ABHD2: variants seen among roughly 807,000 people sequenced by gnomAD.
ABHD2 encodes monoacylglycerol lipase ABHD2.
A neutral mutation model predicts 48.1 loss-of-function variants in ABHD2; 20 were observed. The observed-to-expected ratio is 0.42, with a 90% CI of 0.29 to 0.60. The LOEUF (loss-of-function observed/expected upper bound fraction) is 0.60, where lower values mean the gene tolerates loss of function less well. Ranked by LOEUF, ABHD2 falls within the 20% of genes least tolerant of loss-of-function variation. The pLI is 0.24. For missense variants in ABHD2, 405 were observed against 550.9 expected (o/e 0.74, Z 2.65); for synonymous variants, 209 against 214.2 (o/e 0.98, Z 0.21).
intron 3 of ABHD2, among the ~76,000 whole-genome samples, chr15:89,143,188 A>G (rs184013770): frequency 4.6e-4 from 70 of 152,224 alleles, no homozygotes; most frequent in African/African-American, 1.3e-3. Context: ...TCTAAGTTCA[A>G]TTTTACAGGT....
rs552132692 is a variant in ABHD2 at position 89,201,813 on chromosome 15, G to C, written c.*6390G>C. ...GGAGGCAGACGCCATTGGAGAGACA[G>C]CGCAGAGCAGGGGGCGGCTTGCTCG... On this transcript the variant is annotated 3_prime_UTR_variant, in exon 11 of 11. Coordinates refer to ENST00000352732, the MANE Select transcript of ABHD2 (RefSeq NM_152924.5). The C allele has an allele frequency of 7.3e-5, 97 of 1,326,384 alleles. No homozygotes were observed. In the Middle Eastern group the frequency reaches 1.0e-3, roughly 14 times the overall value. 82.2% of individuals were successfully genotyped at this position (1,326,384 alleles called of 1,614,324 possible). A position where few individuals can be genotyped will look rare whatever the true frequency, so the allele number is the denominator to read the frequency against.
At chr15:89,064,787 G>A in the ABHD2 span, among the ~76,000 whole-genome samples, 1 of 151,924 alleles carries the variant, frequency 6.6e-6, no homozygotes, top group Non-Finnish European at 1.5e-5. Context: ...TTTCCAATTT[G>A]TATTGAGAAA....
chr15:89,154,318 A>C (rs1567094198), intron 4 of ABHD2, among the ~76,000 whole-genome samples: 1 of 152,258 alleles, frequency 6.6e-6, no homozygotes, highest in Admixed American at 6.5e-5. Flanking sequence ...TTTCCCTACC[A>C]GCATTAAGAA....
chr15:89,121,319 A>T (rs1222261810), intron 3 of ABHD2, among the ~76,000 whole-genome samples: 1 of 152,106 alleles, frequency 6.6e-6, no homozygotes, highest in Non-Finnish European at 1.5e-5. Context: ...CAAACATCAG[A>T]GTGGTCTTTT....
At chr15:89,170,536 A>C (rs576266013) in intron 5 of ABHD2, among the ~76,000 whole-genome samples, 1 of 152,186 alleles carries the variant, frequency 6.6e-6, no homozygotes, top group African/African-American at 2.4e-5. Flanking sequence ...ATGTTTACAT[A>C]CATATGCAGT....
the ABHD2 span, among the ~76,000 whole-genome samples, chr15:89,059,070 G>T: frequency 1.3e-5 from 2 of 152,186 alleles, no homozygotes; most frequent in South Asian, 4.1e-4. Flanking sequence ...CTGCCAAGTT[G>T]CTGTGCTCTG....
At chr15:89,169,362 C>G (rs2050884398) in intron 5 of ABHD2, among the ~76,000 whole-genome samples, 3 of 152,078 alleles carry the variant, frequency 2.0e-5, no homozygotes, top group Admixed American at 2.0e-4. Context: ...TGTTTAAGTT[C>G]CTAGAAGAGA....
the ABHD2 span, among the ~76,000 whole-genome samples, chr15:89,077,759 C>T: frequency 3.9e-5 from 6 of 152,338 alleles, no homozygotes; most frequent in East Asian, 9.6e-4. Flanking sequence ...CAAGCTCCTT[C>T]ACTGTTTTTC....
Position 89,200,058 on chromosome 15 carries a change from A to G in ABHD2, c.*4635A>G, listed in dbSNP as rs1338427784. Reference sequence around the variant, plus strand: ...AGTAGACAGCTGCTCCTTTTGGAAGAGTCAGTCCCCTGTGTTTTCTGAACT... The same window carrying G: ...AGTAGACAGCTGCTCCTTTTGGAAGGGTCAGTCCCCTGTGTTTTCTGAACT... On this transcript the variant is annotated 3_prime_UTR_variant, in exon 11 of 11. Coordinates refer to ENST00000352732, the MANE Select transcript of ABHD2 (RefSeq NM_152924.5). 4 of 152,362 alleles carry G rather than the reference A, an allele frequency of 2.6e-5. No individual in the cohort carries two copies. The highest frequency in any genetic ancestry group is 2.6e-4 in the Admixed American group (4 of 15,286). The allele number at this position is 152,362 out of a possible 1,614,324, so 9.4% of individuals were successfully genotyped here. A position where few individuals can be genotyped will look rare whatever the true frequency, so the allele number is the denominator to read the frequency against.
chr15:89,170,265 T>C (rs984260408), intron 5 of ABHD2, among the ~76,000 whole-genome samples: 1 of 151,434 alleles, frequency 6.6e-6, no homozygotes, highest in Admixed American at 6.6e-5. Context: ...CCTGGATAAT[T>C]TTTGTATTTT....
the ABHD2 span, among the ~76,000 whole-genome samples, chr15:89,063,537 C>G: frequency 1.3e-5 from 2 of 151,958 alleles, no homozygotes; most frequent in African/African-American, 4.8e-5. Flanking sequence ...CACACATGCA[C>G]ACACACACAG....
At chr15:89,127,706 CATATATATATATACACATATATAT>C (rs915553345) in intron 3 of ABHD2, among the ~76,000 whole-genome samples, 6 of 129,916 alleles carry the variant, frequency 4.6e-5, no homozygotes, top group African/African-American at 2.2e-4. Context: ...TATATATATA[CATATATATATATACACATATATAT>C]ATATATATAT....
chr15:89,117,657 C>T (rs2049982703), intron 3 of ABHD2, among the ~76,000 whole-genome samples: 1 of 152,210 alleles, frequency 6.6e-6, no homozygotes, highest in African/African-American at 2.4e-5. Flanking sequence ...CCGTTCAGCA[C>T]ATGACTAATG....
In ABHD2 at chr15:89,094,494, G is replaced by A. The variant is rs995996520; in HGVS notation, c.-107+5931G>A. 1.3e-5 allele frequency: 2 copies of A among 152,046 alleles called. No homozygotes were observed. Among genetic ancestry groups the A allele is most frequent in the South Asian group, 2.1e-4 (1 of 4,806 alleles). 9.4% of individuals were successfully genotyped at this position (152,046 alleles called of 1,614,324 possible). Reference sequence around the variant, plus strand: ...AGGCCGAGGCGGGCGGATCACCTGAGGTCAGGAGTTTGAGATCTGCCTGAT... The same window carrying A: ...AGGCCGAGGCGGGCGGATCACCTGAAGTCAGGAGTTTGAGATCTGCCTGAT... On this transcript the variant is annotated intron_variant, in intron 1 of 10. Transcript: ENST00000352732. The surrounding 1 kb of genome is among the most constrained non-coding windows in gnomAD (Gnocchi z 4.7).
At chr15:89,060,560 A>C in the ABHD2 span, among the ~76,000 whole-genome samples, 1 of 152,134 alleles carries the variant, frequency 6.6e-6, no homozygotes, top group Non-Finnish European at 1.5e-5. Context: ...ACAAAAAGAC[A>C]AAACATAGGT....
chr15:89,087,562 T>G (rs571122966), upstream of ABHD2: 1 of 152,350 alleles, frequency 6.6e-6, no homozygotes, highest in South Asian at 2.1e-4. This position sits in a 1 kb window ranked among gnomAD's most constrained non-coding sequence, Gnocchi z 5.5. Context: ...GAATGCCTGT[T>G]GAGTGCCAGC....
At position 89,195,523 on chromosome 15, in the gene ABHD2, G is replaced by C. The variant is rs8029539; in HGVS notation, c.*100G>C. 4.4e-3 allele frequency: 5,811 copies of C among 1,325,686 alleles called. 194 individuals are homozygous for C. In the African/African-American group the frequency reaches 0.073, roughly 17 times the overall value. The allele number at this position is 1,325,686 out of a possible 1,614,324, so 82.1% of individuals were successfully genotyped here. On this transcript the variant is annotated 3_prime_UTR_variant, in exon 11 of 11. Coordinates refer to ENST00000352732, the MANE Select transcript of ABHD2 (RefSeq NM_152924.5). This position sits in a 1 kb window ranked among gnomAD's most constrained non-coding sequence, Gnocchi z 5.1. ...CCATCTCCCTCAGTGACCTGGATCT[G>C]ACCTCACACCATCAGCAGGGGGCAC...
At chr15:89,158,853 A>G (rs1389081422) in intron 5 of ABHD2, among the ~76,000 whole-genome samples, 1 of 151,644 alleles carries the variant, frequency 6.6e-6, no homozygotes, top group African/African-American at 2.4e-5. Flanking sequence ...TTGTAGAGAC[A>G]AGGTCTCACT....
In ABHD2 at chr15:89,201,620, C is replaced by T; in HGVS notation, c.*6197C>T. 1 of 1,596,904 alleles carries T rather than the reference C, an allele frequency of 6.3e-7. No individual in the cohort carries two copies. Among genetic ancestry groups the T allele is most frequent in the Non-Finnish European group, 8.6e-7 (1 of 1,164,342 alleles). ...GGTCAATAATTCCACTGTTGGGCCTCACACAGTACCGGTGAGGCACGGTAG... is the reference window on the plus strand; with the variant it reads ...GGTCAATAATTCCACTGTTGGGCCTTACACAGTACCGGTGAGGCACGGTAG... On this transcript the variant is annotated 3_prime_UTR_variant, in exon 11 of 11. Coordinates refer to ENST00000352732, the MANE Select transcript of ABHD2 (RefSeq NM_152924.5).
Sources: gnomAD v4.1 joint callset for allele counts (sites outside exome capture counted in the v4.1 genomes callset) on GRCh38, gnomAD v4.1.1 for gene constraint, Gnocchi (gnomAD v3.1) non-coding constraint, MANE v1.5 for transcripts, NCBI Gene and HGNC (gene_info 2026-07-23, HGNC 2026-07-21) for gene names.